NUMA1: variants seen among roughly 807,000 people sequenced by gnomAD.
The protein encoded by NUMA1 is nuclear mitotic apparatus protein 1.
A neutral mutation model predicts 237.1 loss-of-function variants in NUMA1; 62 were observed. That is an observed-to-expected ratio of 0.26 (90% CI 0.21 to 0.32). The LOEUF is 0.32. NUMA1 is among the 10% of genes least tolerant of loss of function. The pLI is 1.00. For synonymous variants in NUMA1, 1,028 were observed against 1,066.1 expected (o/e 0.96, Z 0.70); for missense variants, 2,533 against 2,666.5 (o/e 0.95, Z 1.10).
intron 16 of NUMA1, among the ~76,000 whole-genome samples, 168 bp from the exon 17 acceptor site, chr11:72,011,022 G>A (rs750009383): frequency 2.0e-5 from 3 of 152,180 alleles, no homozygotes; most frequent in Non-Finnish European, 4.4e-5. Context: ...TGCCCAGGCT[G>A]CTTGGCAGGG....
At position 72,014,989 on chromosome 11, in the gene NUMA1, C is replaced by T. The variant is rs1249519803; in HGVS notation, c.2514G>A (p.Leu838=). Residue 838 remains leucine (L), a synonymous_variant, in exon 15 of 27, where the codon TTG becomes TTA. Coordinates refer to ENST00000393695, the MANE Select transcript of NUMA1 (RefSeq NM_006185.4). The surrounding 1 kb of genome is among the most constrained non-coding windows in gnomAD (Gnocchi z 4.6). ...GAMFQEQLMT[L]KEECEKARQE... ...GGCGGGCCTTCTCACATTCCTCCTTCAAAGTCATCAGCTGTTCCTGGAACA... is the reference window on the plus strand; with the variant it reads ...GGCGGGCCTTCTCACATTCCTCCTTTAAAGTCATCAGCTGTTCCTGGAACA... 6.2e-7 allele frequency: 1 copy of T among 1,614,100 alleles called. No individual in the cohort carries two copies. Among genetic ancestry groups the T allele is most frequent in the Non-Finnish European group, 8.5e-7 (1 of 1,180,046 alleles).
At chr11:72,018,069 G>A in intron 12 of NUMA1, 114 bp downstream of exon 12, 4 of 974,824 alleles carry the variant, frequency 4.1e-6, no homozygotes, top group Non-Finnish European at 6.6e-6. Flanking sequence ...GGTCTCTGGA[G>A]AGACTGAAGC....
intron 21 of NUMA1, 102 bp from the exon 22 acceptor site, chr11:72,006,365 A>C: frequency 1.1e-6 from 1 of 942,576 alleles, no homozygotes; most frequent in African/African-American, 1.6e-5. Context: ...ACATCCATGT[A>C]TTCCCAACTG....
Position 72,018,904 on chromosome 11 carries a change from T to G in NUMA1, c.661A>C (p.Lys221Gln), listed in dbSNP as rs571303862. The G allele has an allele frequency of 5.2e-5, 84 of 1,613,980 alleles. No individual in the cohort carries two copies. In the South Asian group the frequency reaches 7.4e-4, roughly 14 times the overall value. The change falls in exon 10 of 27, where the codon AAG becomes CAG. Residue 221 changes from lysine to glutamine, a missense_variant. Physicochemically the swap from Lys to Gln is moderately conservative, Grantham distance 53. This residue lies in a region of NUMA1 where 1,414 missense variants were observed against 1,508.1 expected (regional missense o/e 0.94). Transcript: ENST00000393695. ...TTACTTCTCTCATCAGCAAGCTGCTTCTTCAGCCGTCTCATCTGGAACTGT... is the reference window on the plus strand; with the variant it reads ...TTACTTCTCTCATCAGCAAGCTGCTGCTTCAGCCGTCTCATCTGGAACTGT... ...TPQFQMRRLK[K>Q]QLADERSNRD...
At chr11:72,028,690 C>A (rs911765666) in intron 4 of NUMA1, among the ~76,000 whole-genome samples, 4 of 152,146 alleles carry the variant, frequency 2.6e-5, no homozygotes, top group African/African-American at 9.7e-5. Context: ...AGTAAAAACC[C>A]CAGAAGTGTA....
At chr11:72,046,763 C>CA (rs1222361808) in intron 2 of NUMA1, among the ~76,000 whole-genome samples, 2 of 151,702 alleles carry the variant, frequency 1.3e-5, no homozygotes, top group African/African-American at 4.8e-5. Flanking sequence ...AGTTCAAGAC[C>CA]AACCTATCCA....
rs1466194024 is a variant in NUMA1 at position 72,024,173 on chromosome 11, AT to A, written c.208+100del. On this transcript the variant is annotated intron_variant, in intron 5 of 26. Coordinates refer to ENST00000393695, the MANE Select transcript of NUMA1 (RefSeq NM_006185.4). ...GTGTTAAAGAGTGGGGAGCCTTGAA[AT>A]TTTTCTCCTCCAGACACCCATGAAC... 4.9e-6 allele frequency: 5 copies of A among 1,024,444 alleles called. No individual in the cohort carries two copies. The African/African-American group carries it at 6.4e-5, about 13-fold the overall frequency. The allele number at this position is 1,024,444 out of a possible 1,614,324, so 63.5% of individuals were successfully genotyped here.
In NUMA1 at chr11:72,003,945, G is replaced by T. The variant is rs764189347; in HGVS notation, c.6278C>A (p.Thr2093Asn). 5.3e-5 allele frequency: 85 copies of T among 1,613,584 alleles called. No individual in the cohort carries two copies. Among genetic ancestry groups the T allele is most frequent in the Non-Finnish European group, 7.0e-5 (82 of 1,179,814 alleles). The change falls in exon 26 of 27, where the codon ACC becomes AAC. Residue 2093 changes from threonine (T) to asparagine (N), a missense_variant. This residue lies in a region of NUMA1 where 795 missense variants were observed against 750.8 expected (regional missense o/e 1.06). Coordinates refer to ENST00000393695, the MANE Select transcript of NUMA1 (RefSeq NM_006185.4). ...GTRRSPRIAT[T>N]TASAATAAAI... Reference sequence around the variant, plus strand: ...GGCAGCAGTGGCGGCGCTGGCTGTGGTGGTGGCAATGCGCGGAGAACGGCG... The same window carrying T: ...GGCAGCAGTGGCGGCGCTGGCTGTGTTGGTGGCAATGCGCGGAGAACGGCG...
Position 72,019,557 on chromosome 11 carries a change from T to G in NUMA1, c.521A>C (p.Gln174Pro), listed in dbSNP as rs1364738248. 1 of 1,613,874 alleles carries G rather than the reference T, an allele frequency of 6.2e-7. No individual in the cohort carries two copies. The highest frequency in any genetic ancestry group is 8.5e-7 in the Non-Finnish European group (1 of 1,179,904). Reference protein sequence around the residue: ...FPEELSPPSHQAKREIRFLEL... With the variant: ...FPEELSPPSHPAKREIRFLEL... ...TAGGAAGCGAATCTCCCTCTTGGCC[T>G]GGTGGCTAGGTGGGGAGAGCTCTTC... Residue 174 changes from glutamine (Q) to proline (P), a missense_variant, in exon 9 of 27, where the codon CAG becomes CCG. By Grantham distance (76) the Gln-to-Pro change is moderately conservative (BLOSUM62 -1). This residue lies in a region of NUMA1 where 1,414 missense variants were observed against 1,508.1 expected (regional missense o/e 0.94). Coordinates refer to ENST00000393695, the MANE Select transcript of NUMA1 (RefSeq NM_006185.4).
chr11:72,008,376 C>T (rs1264684246), intron 20 of NUMA1: 9 of 430,990 alleles, frequency 2.1e-5, no homozygotes, highest in Non-Finnish European at 4.3e-6. Context: ...AATGGGCCTT[C>T]CTGGCCTCAC....
rs577089584 is a variant in NUMA1 at position 72,021,499 on chromosome 11, C to T, written c.373-208G>A. ...ATGTTCACCCCACTTGTCCCCTTCCCTCCCACCTCCCCTCAAGATGTACCG... is the reference window on the plus strand; with the variant it reads ...ATGTTCACCCCACTTGTCCCCTTCCTTCCCACCTCCCCTCAAGATGTACCG... On this transcript the variant is annotated intron_variant, in intron 7 of 26. Transcript: ENST00000393695. 3.3e-5 allele frequency among the ~76,000 whole-genome samples: 5 copies of T among 152,364 alleles called. No homozygotes were observed. The South Asian group carries it at 8.3e-4, about 25-fold the overall frequency.
intron 2 of NUMA1, among the ~76,000 whole-genome samples, chr11:72,055,715 T>C (rs143719866): frequency 1.3e-5 from 2 of 152,008 alleles, no homozygotes; most frequent in Non-Finnish European, 2.9e-5. Context: ...TCAGGAGGCT[T>C]GCACTTGTAA....
At chr11:72,043,282 C>T (rs927313676) in intron 2 of NUMA1, among the ~76,000 whole-genome samples, 2 of 150,670 alleles carry the variant, frequency 1.3e-5, no homozygotes, top group African/African-American at 2.4e-5. Flanking sequence ...GGCAACATGG[C>T]GAAACCCTGT....
rs200446758 is a variant in NUMA1, at chr11:72,015,340, C to T, written c.2163G>A (p.Glu721=). The part of the protein sequence containing the change: ...LKVTKGSLEE[E]KRRAADALEE... The stretch of plus-strand genomic sequence containing the variant: ...CCAGGGCATCTGCAGCCCTGCGCTT[C>T]TCCTCTTCAAGGCTGCCCTTGGTGA... The change falls in exon 15 of 27, where the codon GAG becomes GAA. Residue 721 remains glutamate, a synonymous_variant. Coordinates refer to ENST00000393695, the MANE Select transcript of NUMA1 (RefSeq NM_006185.4). This position sits in a 1 kb window ranked among gnomAD's most constrained non-coding sequence, Gnocchi z 4.0. 1.6e-4 allele frequency: 254 copies of T among 1,613,382 alleles called. 2 individuals are homozygous for T. The South Asian group carries it at 2.6e-3, about 16-fold the overall frequency.
chr11:72,014,307 A>C lies in NUMA1; in HGVS notation c.3196T>G (p.Leu1066Val). The C allele has an allele frequency of 6.2e-7, 1 of 1,613,662 alleles. No homozygotes were observed. The highest frequency in any genetic ancestry group is 8.5e-7 in the Non-Finnish European group (1 of 1,179,964). The part of the protein sequence containing the change: ...LTEKEGKDQE[L>V]AKLRGLEAAQ... ...GCCTCCAGACCACGAAGCTTGGCCA[A>C]CTCCTGGTCCTTGCCTTCCTTTTCC... The change falls in exon 15 of 27, where the codon TTG becomes GTG. Residue 1066 changes from leucine to valine, a missense_variant. Leu to Val is a conservative substitution (Grantham distance 32). Coordinates refer to ENST00000393695, the MANE Select transcript of NUMA1 (RefSeq NM_006185.4). The surrounding 1 kb of genome is among the most constrained non-coding windows in gnomAD (Gnocchi z 4.6).
intron 2 of NUMA1, among the ~76,000 whole-genome samples, chr11:72,058,871 T>C (rs187177659): frequency 1.2e-4 from 18 of 152,342 alleles, no homozygotes; most frequent in African/African-American, 4.1e-4. Flanking sequence ...ACTCAACTGA[T>C]GTGAGCACAG....
chr11:72,075,542 A>T (rs561134648), intron 1 of NUMA1, among the ~76,000 whole-genome samples: 1 of 152,338 alleles, frequency 6.6e-6, no homozygotes, highest in African/African-American at 2.4e-5. Context: ...CTCTCCAGAG[A>T]ATCTGGGTAC....
Position 72,009,042 on chromosome 11 carries a change from C to G in NUMA1, c.4983G>C (p.Gln1661His). The part of the protein sequence containing the change: ...EAERLGHELQ[Q>H]AGLKTKEAEQ... Reference sequence around the variant, plus strand: ...CAGCCTCCTTGGTCTTCAGCCCAGCCTGCTGTAGCTCATGGCCCAGCCGTT... The same window carrying G: ...CAGCCTCCTTGGTCTTCAGCCCAGCGTGCTGTAGCTCATGGCCCAGCCGTT... Residue 1661 changes from glutamine (Q) to histidine (H), a missense_variant, in exon 19 of 27, where the codon CAG becomes CAC. Gln to His is a conservative substitution (Grantham distance 24, BLOSUM62 0). Around this residue, in one of 3 missense-constraint regions of NUMA1, gnomAD observed 795 missense variants for 750.8 expected, o/e 1.06. Coordinates refer to ENST00000393695, the MANE Select transcript of NUMA1 (RefSeq NM_006185.4). 1.9e-6 allele frequency: 3 copies of G among 1,613,850 alleles called. No individual in the cohort carries two copies. The highest frequency in any genetic ancestry group is 2.5e-6 in the Non-Finnish European group (3 of 1,180,036).
intron 1 of NUMA1, among the ~76,000 whole-genome samples, chr11:72,074,672 G>A (rs903222634): frequency 1.3e-5 from 2 of 152,166 alleles, no homozygotes; most frequent in Non-Finnish European, 2.9e-5. Flanking sequence ...CCAGGAGATC[G>A]AGGCTGCAGT....
Sources: gnomAD v4.1 joint callset for allele counts (sites outside exome capture counted in the v4.1 genomes callset) on GRCh38, gnomAD v4.1.1 for gene constraint, gnomAD v4.1.1 regional missense constraint, Gnocchi (gnomAD v3.1) non-coding constraint, MANE v1.5 for transcripts, NCBI Gene and HGNC (gene_info 2026-07-23, HGNC 2026-07-21) for gene names.